Variants in DCAF6 observed in about 807,000 individuals in gnomAD.
The protein encoded by DCAF6 is DDB1- and CUL4-associated factor 6.
Under a neutral mutation model 125.1 loss-of-function variants are expected in DCAF6, and 54 were observed. The observed-to-expected ratio is 0.43, with a 90% confidence interval of 0.35 to 0.54. The LOEUF is 0.54. DCAF6 is among the 20% of genes least tolerant of loss of function. DCAF6 has a pLI of 0.01. For synonymous variants in DCAF6, 371 were observed against 390.4 expected (o/e 0.95, Z 0.58); for missense variants, 934 against 1,161.7 (o/e 0.80, Z 2.85).
intron 2 of DCAF6, among the ~76,000 whole-genome samples, chr1:167,953,295 A>G (rs1674264790): frequency 6.6e-6 from 1 of 152,132 alleles, no homozygotes; most frequent in African/African-American, 2.4e-5. Flanking sequence ...CTCTTTTCAA[A>G]TGTTGCCTAC....
At chr1:167,876,344 C>T in the DCAF6 span, among the ~76,000 whole-genome samples, 8 of 152,082 alleles carry the variant, frequency 5.3e-5, no homozygotes, top group Admixed American at 1.3e-4. Flanking sequence ...CCCAAGACCC[C>T]ATAGCAGGTG....
intron 3 of DCAF6, among the ~76,000 whole-genome samples, chr1:167,967,280 A>G (rs1195911135): frequency 6.6e-6 from 1 of 152,176 alleles, no homozygotes; most frequent in Non-Finnish European, 1.5e-5. Context: ...AATGGTTTCA[A>G]TGAAGAAAAA....
At chr1:167,965,747 G>GC (rs1676308742) in intron 2 of DCAF6, among the ~76,000 whole-genome samples, 1 of 152,000 alleles carries the variant, frequency 6.6e-6, no homozygotes, top group Non-Finnish European at 1.5e-5. Context: ...CTGTCGGGAG[G>GC]CTGAGGCCTC....
At chr1:167,919,880 C>T in the DCAF6 span, 1 of 688,122 alleles carries the variant, frequency 1.5e-6, no homozygotes, top group Non-Finnish European at 2.5e-6. Flanking sequence ...CCATCTCCAG[C>T]CTGGGCAACA....
intron 10 of DCAF6, among the ~76,000 whole-genome samples, chr1:168,013,751 A>G (rs1684601115): frequency 6.6e-6 from 1 of 151,656 alleles, no homozygotes; most frequent in African/African-American, 2.4e-5. Context: ...CTTGATTATT[A>G]TTATTATTAT....
chr1:168,072,246 G>A (rs529059473), intron 21 of DCAF6, among the ~76,000 whole-genome samples: 371 of 128,916 alleles, frequency 2.9e-3, no homozygotes, highest in Non-Finnish European at 4.0e-3. Flanking sequence ...GTAGTGAGCC[G>A]AGATCGCACC....
At chr1:167,901,891 C>T in the DCAF6 span, 1 of 1,611,564 alleles carries the variant, frequency 6.2e-7, no homozygotes, top group Non-Finnish European at 8.5e-7. Context: ...ACTTACTCAT[C>T]AAGCATTCCT....
chr1:167,917,614 A>C, the DCAF6 span: 1 of 152,554 alleles, frequency 6.6e-6, no homozygotes, highest in Admixed American at 6.6e-5. Flanking sequence ...AAAAAAAAAA[A>C]AAAAGTCACA....
At chr1:168,054,018 A>C (rs569991416) in intron 17 of DCAF6, among the ~76,000 whole-genome samples, 95 of 152,272 alleles carry the variant, frequency 6.2e-4, no homozygotes, top group African/African-American at 2.1e-3. Flanking sequence ...AGGAGCAGAA[A>C]CAGCAAGATA....
intron 12 of DCAF6, among the ~76,000 whole-genome samples, chr1:168,037,103 C>CTTTTTTT (rs752448825): frequency 1.3e-5 from 2 of 148,274 alleles, no homozygotes; most frequent in Admixed American, 6.7e-5. Context: ...TTCTCCCCCC[C>CTTTTTTT]CTTTTTTTTT....
At chr1:168,063,802 A>G (rs1691924300) in intron 18 of DCAF6, 43 bp downstream of exon 18, 4 of 1,576,252 alleles carry the variant, frequency 2.5e-6, no homozygotes, top group Admixed American at 1.9e-5. Flanking sequence ...TTGCAGTTTC[A>G]TGCTCTGAGT....
chr1:167,945,933 A>G (rs940498119), intron 1 of DCAF6, among the ~76,000 whole-genome samples: 3 of 149,246 alleles, frequency 2.0e-5, no homozygotes, highest in Admixed American at 1.3e-4. Flanking sequence ...AAGTTTACTG[A>G]ATTCATTTAC....
intron 12 of DCAF6, among the ~76,000 whole-genome samples, chr1:168,026,187 CATTT>C (rs1175384081): frequency 1.3e-5 from 2 of 152,042 alleles, no homozygotes; most frequent in Non-Finnish European, 2.9e-5. Context: ...TGTAATCATA[CATTT>C]ATTTAGGGGA....
At chr1:167,935,813 C>T (rs565129308), upstream of DCAF6, 251 of 1,555,262 alleles carry the variant, frequency 1.6e-4, 4 homozygotes, top group South Asian at 2.9e-3. Context: ...GTAGGTGGCC[C>T]GCAGGCCTCG....
At chr1:167,898,427 C>T in the DCAF6 span, among the ~76,000 whole-genome samples, 7 of 151,646 alleles carry the variant, frequency 4.6e-5, no homozygotes, top group Non-Finnish European at 1.0e-4. Context: ...GGTGAAACCC[C>T]GTCTCTACTA....
intron 5 of DCAF6, among the ~76,000 whole-genome samples, chr1:167,988,936 C>T (rs145612917): frequency 0.012 from 1,870 of 151,860 alleles, 41 homozygotes; most frequent in African/African-American, 0.043. Flanking sequence ...AAAAATTAGC[C>T]GGGCGTGGTG....
intron 17 of DCAF6, among the ~76,000 whole-genome samples, chr1:168,053,897 G>A (rs1285533316): frequency 2.0e-5 from 3 of 152,134 alleles, no homozygotes; most frequent in Non-Finnish European, 4.4e-5. Context: ...CCAGCCAAGG[G>A]CCAGCCTCAT....
At chr1:167,900,275 A>G in the DCAF6 span, among the ~76,000 whole-genome samples, 1 of 152,190 alleles carries the variant, frequency 6.6e-6, no homozygotes, top group African/African-American at 2.4e-5. Flanking sequence ...GCTCTCTGCT[A>G]TACTGATTTG....
In DCAF6 at chr1:168,066,359, T is replaced by C. The variant is rs376620847; in HGVS notation, c.2597-18T>C. On this transcript the variant is annotated intron_variant, in intron 19 of 21. Coordinates refer to ENST00000367840, the MANE Select transcript of DCAF6 (RefSeq NM_001198956.2). ...CATGTTTCTAGGCTTCATATTAATA[T>C]ATAAATTTTATTTCTAGTTTTAGCC... The C allele has an allele frequency of 4.6e-6, 7 of 1,508,766 alleles. No homozygotes were observed. In the African/African-American group the frequency reaches 8.3e-5, roughly 18 times the overall value. 93.5% of individuals were successfully genotyped at this position (1,508,766 alleles called of 1,614,324 possible). A position where few individuals can be genotyped will look rare whatever the true frequency, so the allele number is the denominator to read the frequency against.
Sources: allele counts gnomAD v4.1 joint callset (sites outside exome capture counted in the v4.1 genomes callset), GRCh38; gene constraint gnomAD v4.1.1; transcripts MANE v1.5; gene names NCBI Gene and HGNC (gene_info 2026-07-23, HGNC 2026-07-21).